The following CERKL variants were observed in gnomAD, a reference collection of about 807,000 sequenced individuals.
CERKL encodes CERK like autophagy regulator.
CERKL carries 61 observed loss-of-function variants against 63.4 expected under a neutral mutation model. That is an observed-to-expected ratio of 0.96 (90% CI 0.78 to 1.19). CERKL has a LOEUF of 1.19. Among genes scored for constraint, CERKL ranks in the 50% most tolerant of loss-of-function variants. CERKL has a pLI of 0.00. For missense variants in CERKL, 675 were observed against 655.5 expected (o/e 1.03, Z -0.33); for synonymous variants, 250 against 230.5 (o/e 1.08, Z -0.77).
chr2:181,634,851 A>T (rs1687106665), intron 1 of CERKL, among the ~76,000 whole-genome samples: 1 of 152,184 alleles, frequency 6.6e-6, no homozygotes, highest in South Asian at 2.1e-4. Flanking sequence ...AGCAACACAT[A>T]ACTTAGTAGT....
intron 5 of CERKL, among the ~76,000 whole-genome samples, chr2:181,552,665 G>A (rs1265205087): frequency 6.6e-6 from 1 of 152,114 alleles, no homozygotes; most frequent in African/African-American, 2.4e-5. Context: ...AAATTTCTAA[G>A]GGAGATTTTA....
chr2:181,590,125 A>T (rs1378263768), intron 2 of CERKL, among the ~76,000 whole-genome samples: 1 of 143,446 alleles, frequency 7.0e-6, no homozygotes, highest in Non-Finnish European at 1.5e-5. Flanking sequence ...CCTGGCCCAT[A>T]ATGGTTTTGT....
intron 2 of CERKL, among the ~76,000 whole-genome samples, chr2:181,594,044 AT>A (rs1456670464): frequency 3.9e-5 from 6 of 152,166 alleles, no homozygotes; most frequent in African/African-American, 1.4e-4. Flanking sequence ...TGTGATAAGG[AT>A]TAAATGAGTT....
chr2:181,540,101 A>T (rs983508053), intron 11 of CERKL, among the ~76,000 whole-genome samples: 4 of 152,180 alleles, frequency 2.6e-5, no homozygotes, highest in African/African-American at 7.2e-5. Context: ...TTTCCCCAAC[A>T]CCCATATTTT....
intron 3 of CERKL, among the ~76,000 whole-genome samples, chr2:181,567,711 G>A (rs1296482230): frequency 6.6e-6 from 1 of 152,116 alleles, no homozygotes; most frequent in Non-Finnish European, 1.5e-5. Flanking sequence ...TCTGGAGATA[G>A]ACAATATATG....
In CERKL at chr2:181,656,640, T is replaced by C. The variant is rs1242277345; in HGVS notation, c.238+129A>G. Reference sequence around the variant, plus strand: ...GGGACTCGGTAACCTGTCCGGGCAGTGAGGCGAGCACGGGGAGGGGAGGCG... The same window carrying C: ...GGGACTCGGTAACCTGTCCGGGCAGCGAGGCGAGCACGGGGAGGGGAGGCG... On this transcript the variant is annotated intron_variant, in intron 1 of 12. Transcript: ENST00000410087. The C allele has an allele frequency of 8.8e-6, 7 of 797,992 alleles. No homozygotes were observed. In the African/African-American group the frequency reaches 1.1e-4, roughly 12 times the overall value. 49.4% of individuals were successfully genotyped at this position (797,992 alleles called of 1,614,324 possible).
intron 1 of CERKL, among the ~76,000 whole-genome samples, chr2:181,636,234 C>T (rs532613464): frequency 6.6e-6 from 1 of 152,274 alleles, no homozygotes; most frequent in South Asian, 2.1e-4. Context: ...ATTTGCGCAG[C>T]GTCTACTATC....
At chr2:181,648,855 G>A (rs1336726055) in intron 1 of CERKL, among the ~76,000 whole-genome samples, 2 of 152,154 alleles carry the variant, frequency 1.3e-5, no homozygotes, top group Non-Finnish European at 2.9e-5. Flanking sequence ...GCTTAAAATA[G>A]TTTATTATAA....
At chr2:181,614,689 A>G (rs1461336791) in intron 1 of CERKL, among the ~76,000 whole-genome samples, 2 of 152,196 alleles carry the variant, frequency 1.3e-5, no homozygotes, top group Non-Finnish European at 2.9e-5. Context: ...TTGTTTTCCT[A>G]ATTGTATGTA....
At chr2:181,609,722 T>C (rs1388603291) in intron 1 of CERKL, among the ~76,000 whole-genome samples, 2 of 150,748 alleles carry the variant, frequency 1.3e-5, no homozygotes, top group East Asian at 3.9e-4. Flanking sequence ...AATAAATAAA[T>C]GAAGTAATGA....
chr2:181,578,544 T>C (rs538561334), intron 2 of CERKL, among the ~76,000 whole-genome samples: 4 of 150,424 alleles, frequency 2.7e-5, no homozygotes, highest in African/African-American at 1.0e-4. Context: ...GTGAATCACC[T>C]GCCTCAGTCT....
intron 1 of CERKL, among the ~76,000 whole-genome samples, chr2:181,609,554 A>AAAAAAAAAAAT: frequency 6.8e-6 from 1 of 147,768 alleles, no homozygotes; most frequent in Non-Finnish European, 1.5e-5. Context: ...AAAAAAAAAA[A>AAAAAAAAAAAT]AATTTGCCAG....
At chr2:181,552,577 C>G (rs1004721366) in intron 5 of CERKL, among the ~76,000 whole-genome samples, 2 of 152,134 alleles carry the variant, frequency 1.3e-5, no homozygotes, top group African/African-American at 4.8e-5. Context: ...TTATAAATTA[C>G]CCAGTCTTGG....
chr2:181,594,715 T>C (rs1056258393), intron 2 of CERKL, among the ~76,000 whole-genome samples: 1 of 152,164 alleles, frequency 6.6e-6, no homozygotes, highest in African/African-American at 2.4e-5. Flanking sequence ...TCAAAAAATA[T>C]AGTAAAAAAC....
At chr2:181,656,645 C>G in intron 1 of CERKL, 124 bp downstream of exon 1, 1 of 836,612 alleles carries the variant, frequency 1.2e-6, no homozygotes, top group Non-Finnish European at 1.8e-6. Flanking sequence ...GGCAGTGAGG[C>G]GAGCACGGGG....
intron 11 of CERKL, among the ~76,000 whole-genome samples, chr2:181,541,402 T>G (rs1036388381): frequency 6.6e-6 from 1 of 152,188 alleles, no homozygotes; most frequent in African/African-American, 2.4e-5. Flanking sequence ...TTCTGTGGTA[T>G]TTGTTATGGC....
chr2:181,627,247 T>G (rs569013735), intron 1 of CERKL, among the ~76,000 whole-genome samples: 6 of 152,252 alleles, frequency 3.9e-5, no homozygotes, highest in South Asian at 4.1e-4. Flanking sequence ...TATTTTCAAT[T>G]TACTGCCTTA....
At chr2:181,567,598 T>C (rs1213692252) in intron 3 of CERKL, among the ~76,000 whole-genome samples, 1 of 152,100 alleles carries the variant, frequency 6.6e-6, no homozygotes, top group African/African-American at 2.4e-5. Flanking sequence ...ATCAAAGATC[T>C]AGAACAAAGA....
At chr2:181,633,407 G>C (rs964481595) in intron 1 of CERKL, among the ~76,000 whole-genome samples, 1 of 152,168 alleles carries the variant, frequency 6.6e-6, no homozygotes. Context: ...AATTGTTCTA[G>C]TTATTATCTT....
Sources: gnomAD v4.1 joint callset for allele counts (sites outside exome capture counted in the v4.1 genomes callset) on GRCh38, gnomAD v4.1.1 for gene constraint, MANE v1.5 for transcripts, NCBI Gene and HGNC (gene_info 2026-07-23, HGNC 2026-07-21) for gene names.